The following ADGRL3 variants were observed in gnomAD, a reference collection of about 807,000 sequenced individuals.
ADGRL3 encodes adhesion G protein-coupled receptor L3, also known as calcium-independent alpha-latrotoxin receptor 3.
A neutral mutation model predicts 153.5 loss-of-function variants in ADGRL3; 62 were observed. The observed-to-expected ratio is 0.40, with a 90% confidence interval of 0.33 to 0.50. The LOEUF is 0.50. Among genes scored for constraint, ADGRL3 ranks in the 20% least tolerant of loss-of-function variants. ADGRL3 has a pLI of 0.47. For synonymous variants in ADGRL3, 710 were observed against 672.5 expected (o/e 1.06, Z -0.86); for missense variants, 1,641 against 1,859.4 (o/e 0.88, Z 2.16).
chr4:61,767,887 A>G (rs1561215415), intron 8 of ADGRL3, among the ~76,000 whole-genome samples: 1 of 152,018 alleles, frequency 6.6e-6, no homozygotes, highest in Admixed American at 6.6e-5. Context: ...TTTTTCTGTT[A>G]TTGCACACCT....
At chr4:62,020,401 A>C (rs2099232556) in intron 21 of ADGRL3, among the ~76,000 whole-genome samples, 1 of 152,094 alleles carries the variant, frequency 6.6e-6, no homozygotes, top group African/African-American at 2.4e-5. Context: ...ATAGGTTCTA[A>C]GGAATTCAAG....
intron 3 of ADGRL3, among the ~76,000 whole-genome samples, chr4:61,510,016 G>A (rs1326988674): frequency 6.6e-6 from 1 of 152,172 alleles, no homozygotes; most frequent in African/African-American, 2.4e-5. Context: ...CTCTGATGAT[G>A]AGTGATATTG....
At chr4:61,899,538 A>G (rs1242965234) in intron 11 of ADGRL3, among the ~76,000 whole-genome samples, 1 of 152,200 alleles carries the variant, frequency 6.6e-6, no homozygotes, top group Non-Finnish European at 1.5e-5. Flanking sequence ...ACATGCAAAA[A>G]AAAAGTATAT....
intron 1 of ADGRL3, among the ~76,000 whole-genome samples, chr4:61,203,251 T>C (rs1433696517): frequency 6.6e-6 from 1 of 152,230 alleles, no homozygotes; most frequent in African/African-American, 2.4e-5. Context: ...AGAGATATCA[T>C]AGCAGTTGGG....
chr4:61,470,462 A>G (rs2097935751), intron 2 of ADGRL3, among the ~76,000 whole-genome samples: 1 of 152,024 alleles, frequency 6.6e-6, no homozygotes. Flanking sequence ...AAATTCTTAA[A>G]TCAATGAAAA....
At chr4:61,975,785 C>T (rs569848308) in intron 17 of ADGRL3, among the ~76,000 whole-genome samples, 15 of 151,838 alleles carry the variant, frequency 9.9e-5, no homozygotes, top group East Asian at 1.9e-4. Context: ...AAATGTAGTG[C>T]GTGAAGGAAA....
chr4:61,997,154 A>G (rs1402245708), intron 20 of ADGRL3, among the ~76,000 whole-genome samples: 3 of 151,836 alleles, frequency 2.0e-5, no homozygotes, highest in East Asian at 3.9e-4. Context: ...AACCCTAGTG[A>G]GGAATAGGCA....
chr4:61,715,514 G>A (rs566916313), intron 6 of ADGRL3, among the ~76,000 whole-genome samples: 1 of 152,200 alleles, frequency 6.6e-6, no homozygotes, highest in Admixed American at 6.5e-5. Flanking sequence ...TAAAAGGAAA[G>A]TATTAATATA....
At chr4:61,553,689 A>T (rs889098104) in intron 4 of ADGRL3, among the ~76,000 whole-genome samples, 3 of 151,126 alleles carry the variant, frequency 2.0e-5, no homozygotes, top group Admixed American at 1.3e-4. Flanking sequence ...TTCATTGCAC[A>T]TTTTTTTTTC....
At chr4:61,956,107 G>A (rs527981279) in intron 17 of ADGRL3, among the ~76,000 whole-genome samples, 1 of 152,250 alleles carries the variant, frequency 6.6e-6, no homozygotes, top group South Asian at 2.1e-4. Flanking sequence ...TTGAGGAATT[G>A]CCATATTGTC....
At chr4:61,474,527 CTG>C (rs2098018603) in intron 2 of ADGRL3, among the ~76,000 whole-genome samples, 1 of 151,866 alleles carries the variant, frequency 6.6e-6, no homozygotes. Flanking sequence ...ATTTATAAAA[CTG>C]AAATAATGTC....
chr4:61,743,006 T>C (rs568689474), intron 8 of ADGRL3, among the ~76,000 whole-genome samples: 1,740 of 152,150 alleles, frequency 0.011, 50 homozygotes, highest in African/African-American at 0.04. Context: ...TTAAATTTTT[T>C]TTTTTTTCAA....
At chr4:61,479,314 A>G (rs1275465141) in intron 2 of ADGRL3, among the ~76,000 whole-genome samples, 2 of 152,120 alleles carry the variant, frequency 1.3e-5, no homozygotes, top group African/African-American at 4.8e-5. Flanking sequence ...GATGTATGTA[A>G]TGTTTAAACA....
At chr4:61,533,931 C>T (rs2098639135) in intron 4 of ADGRL3, among the ~76,000 whole-genome samples, 1 of 151,940 alleles carries the variant, frequency 6.6e-6, no homozygotes, top group Non-Finnish European at 1.5e-5. Context: ...GATACACGTG[C>T]AGGTTTGTTA....
chr4:61,956,790 G>A (rs2098968736), intron 17 of ADGRL3, among the ~76,000 whole-genome samples: 1 of 152,156 alleles, frequency 6.6e-6, no homozygotes, highest in South Asian at 2.1e-4. Context: ...TTATTGAATA[G>A]GAGATACTTT....
intron 5 of ADGRL3, among the ~76,000 whole-genome samples, chr4:61,671,205 C>T (rs1351085340): frequency 6.6e-6 from 1 of 152,158 alleles, no homozygotes; most frequent in Non-Finnish European, 1.5e-5. Flanking sequence ...CTATATGGTG[C>T]TCTATGTTGT....
intron 9 of ADGRL3, among the ~76,000 whole-genome samples, chr4:61,822,304 C>T (rs1304008906): frequency 6.6e-6 from 1 of 152,030 alleles, no homozygotes; most frequent in Admixed American, 6.6e-5. Flanking sequence ...TTAATATTAA[C>T]GGTAAAGACA....
intron 1 of ADGRL3, among the ~76,000 whole-genome samples, chr4:61,341,035 C>G (rs1334512821): frequency 6.6e-6 from 1 of 151,818 alleles, no homozygotes; most frequent in Admixed American, 6.6e-5. Flanking sequence ...TTGTGATAGT[C>G]TAATTTATAT....
chr4:61,229,385 C>T (rs947042731), intron 1 of ADGRL3, among the ~76,000 whole-genome samples: 5 of 152,156 alleles, frequency 3.3e-5, no homozygotes, highest in Non-Finnish European at 7.4e-5. Flanking sequence ...AAGTAATTAC[C>T]TTGGTAGCCC....
Sources: gnomAD v4.1 joint callset for allele counts (sites outside exome capture counted in the v4.1 genomes callset) on GRCh38, gnomAD v4.1.1 for gene constraint, MANE v1.5 for transcripts, NCBI Gene and HGNC (gene_info 2026-07-23, HGNC 2026-07-21) for gene names.